The following PPP1CC variants were observed in gnomAD, a reference collection of about 807,000 sequenced individuals.
PPP1CC encodes serine/threonine-protein phosphatase PP1-gamma catalytic subunit.
Under a neutral mutation model 38.4 loss-of-function variants are expected in PPP1CC, and 16 were observed. That is an observed-to-expected ratio of 0.42 (90% CI 0.28 to 0.63). The LOEUF is 0.63. Among genes scored for constraint, PPP1CC ranks in the 30% least tolerant of loss-of-function variants. The probability of loss-of-function intolerance (pLI) is 0.25; values close to 1 mark genes in which losing one functional copy is unlikely to be tolerated. For synonymous variants in PPP1CC, 158 were observed against 136.0 expected, an observed-to-expected ratio of 1.16 and a Z score of -1.13; for missense variants, 170 against 391.3, an observed-to-expected ratio of 0.43 and a Z score of 4.77.
chr12:110,725,054 T>C, intron 3 of PPP1CC: 1 of 201,844 alleles, frequency 5.0e-6, no homozygotes, highest in African/African-American at 2.3e-5. Context: ...TGAGACCCCA[T>C]CTCTTTAAAG....
intron 4 of PPP1CC, 46 bp downstream of exon 4, chr12:110,724,614 T>A (rs564391787): frequency 9.0e-7 from 1 of 1,108,906 alleles, no homozygotes; most frequent in African/African-American, 1.5e-5. Flanking sequence ...TGTTCACCCT[T>A]TGGAAGGGAT....
intron 1 of PPP1CC, among the ~76,000 whole-genome samples, chr12:110,737,809 G>A (rs1319405032): frequency 6.6e-6 from 1 of 152,224 alleles, no homozygotes; most frequent in Non-Finnish European, 1.5e-5. Context: ...TTAGCCAGGT[G>A]TGGTGGTGTG....
intron 3 of PPP1CC, among the ~76,000 whole-genome samples, chr12:110,729,400 G>T (rs748895719): frequency 6.6e-6 from 1 of 152,056 alleles, no homozygotes; most frequent in Non-Finnish European, 1.5e-5. Flanking sequence ...TCCTCATGTT[G>T]GCCAGGACGG....
downstream of PPP1CC, among the ~76,000 whole-genome samples, chr12:110,717,597 CG>C (rs1439906481): frequency 6.6e-6 from 1 of 151,916 alleles, no homozygotes; most frequent in African/African-American, 2.4e-5. Flanking sequence ...AGGGTTTCAC[CG>C]TGTTAGCCAG....
chr12:110,728,431 C>T (rs1166740802), intron 3 of PPP1CC, among the ~76,000 whole-genome samples: 1 of 145,064 alleles, frequency 6.9e-6, no homozygotes, highest in South Asian at 2.2e-4. Flanking sequence ...ACAAAAAACT[C>T]AAGAGTAACA....
chr12:110,739,783 T>C (rs538636891), intron 1 of PPP1CC, among the ~76,000 whole-genome samples: 1 of 152,350 alleles, frequency 6.6e-6, no homozygotes, highest in South Asian at 2.1e-4. Context: ...CCATGGCTCC[T>C]TGAAGGAGGT....
intron 3 of PPP1CC, among the ~76,000 whole-genome samples, chr12:110,729,903 G>A (rs995829880): frequency 2.6e-5 from 4 of 152,152 alleles, no homozygotes; most frequent in African/African-American, 4.8e-5. Flanking sequence ...TATTTGGAAT[G>A]GTTCTCAGAT....
At chr12:110,730,839 T>C (rs2069863386) in intron 2 of PPP1CC, 80 bp from the exon 3 acceptor site, 1 of 931,060 alleles carries the variant, frequency 1.1e-6, no homozygotes, top group African/African-American at 1.7e-5. Flanking sequence ...AGACATTCTT[T>C]AAATATTCAT....
chr12:110,710,701 G>A, the PPP1CC span, among the ~76,000 whole-genome samples: 12 of 99,140 alleles, frequency 1.2e-4, no homozygotes, highest in African/African-American at 5.0e-4. Context: ...CTGGGTGACA[G>A]AATGAGACTC....
chr12:110,739,953 T>C (rs2069996450), intron 1 of PPP1CC, among the ~76,000 whole-genome samples: 1 of 152,208 alleles, frequency 6.6e-6, no homozygotes, highest in African/African-American at 2.4e-5. Context: ...AGTTTTATCA[T>C]CAGCAAGGCA....
At chr12:110,716,863 T>A (rs1313493234), downstream of PPP1CC, among the ~76,000 whole-genome samples, 1 of 152,238 alleles carries the variant, frequency 6.6e-6, no homozygotes, top group Non-Finnish European at 1.5e-5. Context: ...GTCATCTCTG[T>A]GATCACACAA....
At chr12:110,740,159 G>C (rs1358787015) in intron 1 of PPP1CC, among the ~76,000 whole-genome samples, 3 of 152,114 alleles carry the variant, frequency 2.0e-5, no homozygotes, top group Non-Finnish European at 2.9e-5. Flanking sequence ...AGGTTATACT[G>C]CTCGCAAGCT....
At chr12:110,727,969 T>C (rs960629978) in intron 3 of PPP1CC, among the ~76,000 whole-genome samples, 1 of 152,166 alleles carries the variant, frequency 6.6e-6, no homozygotes, top group African/African-American at 2.4e-5. Flanking sequence ...CTGCATTAAG[T>C]AGAAACCGAA....
downstream of PPP1CC, among the ~76,000 whole-genome samples, chr12:110,719,054 T>G (rs550525432): frequency 1.3e-5 from 2 of 152,332 alleles, no homozygotes; most frequent in South Asian, 4.1e-4. Flanking sequence ...TTTTACTTTA[T>G]AGCATTTTGA....
At position 110,720,662 on chromosome 12, in the gene PPP1CC, C is replaced by A. The variant is rs1190382827; in HGVS notation, c.*414G>T. ...CACAGTGGTTTGTATCAACAGTATG[C>A]ATTTTATGACAAGAACATGTACAGA... On this transcript the variant is annotated 3_prime_UTR_variant, in exon 7 of 7. Transcript: ENST00000335007. 5.2e-6 allele frequency: 1 copy of A among 193,568 alleles called. No homozygotes were observed. Among genetic ancestry groups the A allele is most frequent in the Admixed American group, 5.4e-5 (1 of 18,440 alleles). The allele number at this position is 193,568 out of a possible 1,614,324, so 12.0% of individuals were successfully genotyped here.
chr12:110,712,635 CAAAAAA>C, the PPP1CC span, among the ~76,000 whole-genome samples: 4 of 37,668 alleles, frequency 1.1e-4, no homozygotes, highest in African/African-American at 3.5e-4. Flanking sequence ...GAAACTGTCT[CAAAAAA>C]AAAAAAAAAA....
rs1371261068 is a variant in PPP1CC at position 110,720,364 on chromosome 12, T to C, written c.*712A>G. On this transcript the variant is annotated 3_prime_UTR_variant, in exon 7 of 7. Transcript: ENST00000335007. Reference sequence around the variant, plus strand: ...AGAAGGCAGCATGTGTATACAACCATACCACCTTGTACTTAGGGGTGTGTC... The same window carrying C: ...AGAAGGCAGCATGTGTATACAACCACACCACCTTGTACTTAGGGGTGTGTC... 4 of 578,834 alleles carry C rather than the reference T, an allele frequency of 6.9e-6. No individual in the cohort carries two copies. Among genetic ancestry groups the C allele is most frequent in the Non-Finnish European group, 9.0e-6 (3 of 331,836 alleles). The allele number at this position is 578,834 out of a possible 1,614,324, so 35.9% of individuals were successfully genotyped here.
chr12:110,729,675 A>G (rs1431252548), intron 3 of PPP1CC, among the ~76,000 whole-genome samples: 1 of 152,250 alleles, frequency 6.6e-6, no homozygotes, highest in Non-Finnish European at 1.5e-5. Context: ...CAGAAGGAGA[A>G]AAACTATAAT....
chr12:110,714,395 G>A, the PPP1CC span, among the ~76,000 whole-genome samples: 10 of 151,996 alleles, frequency 6.6e-5, no homozygotes, highest in Non-Finnish European at 1.5e-4. Context: ...TGTGATCCAC[G>A]CTGAATCTGG....
Sources: gnomAD v4.1 joint callset for allele counts (sites outside exome capture counted in the v4.1 genomes callset) on GRCh38, gnomAD v4.1.1 for gene constraint, MANE v1.5 for transcripts, NCBI Gene and HGNC (gene_info 2026-07-23, HGNC 2026-07-21) for gene names.